The following PTPRQ variants were observed in gnomAD, a reference collection of about 807,000 sequenced individuals.
The protein encoded by PTPRQ is phosphatidylinositol phosphatase PTPRQ.
In PTPRQ, 199 loss-of-function variants were observed where a neutral mutation model predicts 246.0. The ratio of observed to expected loss-of-function variants is 0.81; its 90% CI spans 0.72 to 0.91. The LOEUF (loss-of-function observed/expected upper bound fraction) is 0.91, where lower values mean the gene tolerates loss of function less well. PTPRQ is among the 40% of genes least tolerant of loss of function. PTPRQ has a pLI of 0.00. For missense variants in PTPRQ, 2,624 were observed against 2,528.4 expected (o/e 1.04, Z -0.81); for synonymous variants, 869 against 853.2 (o/e 1.02, Z -0.32).
chr12:80,659,110 G>T (rs1900545489), intron 39 of PTPRQ, among the ~76,000 whole-genome samples: 1 of 152,158 alleles, frequency 6.6e-6, no homozygotes, highest in Middle Eastern at 3.4e-3. Context: ...TTTTTAACCA[G>T]AGAAGTGAAG....
intron 23 of PTPRQ, 140 bp downstream of exon 23, chr12:80,543,021 G>T (rs1896201711): frequency 1.6e-6 from 1 of 637,572 alleles, no homozygotes; most frequent in Non-Finnish European, 2.5e-6. Context: ...ACAATTTAAG[G>T]ATGCTTATGG....
intron 9 of PTPRQ, among the ~76,000 whole-genome samples, chr12:80,485,589 C>G (rs753539952): frequency 1.3e-5 from 2 of 152,146 alleles, no homozygotes; most frequent in East Asian, 1.9e-4. Flanking sequence ...TCTGGCCACC[C>G]AGGACTTATC....
intron 17 of PTPRQ, among the ~76,000 whole-genome samples, chr12:80,520,394 T>C (rs1895439099): frequency 6.6e-6 from 1 of 152,214 alleles, no homozygotes; most frequent in African/African-American, 2.4e-5. Flanking sequence ...AGTTTTAGGG[T>C]ACATGTGCAC....
chr12:80,556,653 T>C (rs1896655021), intron 25 of PTPRQ, among the ~76,000 whole-genome samples: 1 of 152,178 alleles, frequency 6.6e-6, no homozygotes, highest in Non-Finnish European at 1.5e-5. Context: ...CCTCTTTTAT[T>C]GGAAATATCT....
chr12:80,518,691 A>G (rs150275939), intron 17 of PTPRQ, among the ~76,000 whole-genome samples: 2,910 of 152,312 alleles, frequency 0.019, 93 homozygotes, highest in African/African-American at 0.066. Flanking sequence ...ATTCTTCTGC[A>G]TATGGATATC....
intron 25 of PTPRQ, among the ~76,000 whole-genome samples, chr12:80,586,285 A>T (rs903464612): frequency 1.3e-5 from 2 of 151,700 alleles, no homozygotes; most frequent in Admixed American, 1.3e-4. Flanking sequence ...GCCAAAAGAC[A>T]CATGAAAAAA....
At chr12:80,484,691 C>T in intron 9 of PTPRQ, 86 bp downstream of exon 9, 2 of 1,473,940 alleles carry the variant, frequency 1.4e-6, no homozygotes, top group Non-Finnish European at 1.8e-6. Context: ...AGCACCCACA[C>T]ATGTAATATT....
At position 80,493,329 on chromosome 12, in the gene PTPRQ, G is replaced by A. The variant is rs1202423828; in HGVS notation, c.1414G>A (p.Gly472Arg). The A allele has an allele frequency of 1.9e-6, 3 of 1,548,694 alleles. No homozygotes were observed. Among genetic ancestry groups the A allele is most frequent in the Non-Finnish European group, 2.6e-6 (3 of 1,145,304 alleles). ...EIVNIVEPMV[G>R]LYEGSAEMSS... is the part of the protein sequence containing the mutation. ...TGTGAACATAGTAGAGCCAATGGTA[G>A]GATTATATGAGGGTTCAGCAGAGAT... The change falls in exon 10 of 45, where the codon GGA becomes AGA. Residue 472 changes from glycine to arginine, a missense_variant. Physicochemically the swap from Gly to Arg is moderately radical, Grantham distance 125 (BLOSUM62 -2). Coordinates refer to ENST00000644991, the MANE Select transcript of PTPRQ (RefSeq NM_001145026.2).
chr12:80,485,898 G>A lies in PTPRQ; in HGVS notation c.1359+1293G>A, dbSNP rs564586128. Among the ~76,000 whole-genome samples the A allele has an allele frequency of 9.1e-4, 139 of 151,932 alleles. No individual in the cohort carries two copies. In the Middle Eastern group the frequency reaches 0.014, roughly 15 times the overall value. On this transcript the variant is annotated intron_variant, in intron 9 of 44. Coordinates refer to ENST00000644991, the MANE Select transcript of PTPRQ (RefSeq NM_001145026.2). ...AGAAAGGCTTTTTTTTTGTGATTCTGTCTCTATCTGGTCTGCAATTCTCGT... is the reference window on the plus strand; with the variant it reads ...AGAAAGGCTTTTTTTTTGTGATTCTATCTCTATCTGGTCTGCAATTCTCGT...
chr12:80,592,114 T>A (rs1565806325), intron 26 of PTPRQ, among the ~76,000 whole-genome samples: 1 of 152,206 alleles, frequency 6.6e-6, no homozygotes, highest in Non-Finnish European at 1.5e-5. Context: ...ATGGCCATAT[T>A]TTATTTCCAG....
chr12:80,559,789 A>G (rs951127485), intron 25 of PTPRQ, among the ~76,000 whole-genome samples: 2 of 152,174 alleles, frequency 1.3e-5, no homozygotes, highest in Non-Finnish European at 2.9e-5. Flanking sequence ...TCTATCTTGA[A>G]ACTAAAATAA....
At chr12:80,601,090 A>T (rs76978116) in intron 26 of PTPRQ, among the ~76,000 whole-genome samples, 9,545 of 151,856 alleles carry the variant, frequency 0.063, 910 homozygotes, top group African/African-American at 0.2. Context: ...GTGAGGCATG[A>T]GCTGACCACT....
rs759819317 is a variant in PTPRQ, at chr12:80,588,119, T to C, written c.4286-10T>C. ...TGTAACTGCTTTTAATTTTTCCCTT[T>C]AATTTTTAGTTCCCAGTGTTCCCAC... On this transcript the variant is annotated splice_polypyrimidine_tract_variant and intron_variant, in intron 25 of 44. Coordinates refer to ENST00000644991, the MANE Select transcript of PTPRQ (RefSeq NM_001145026.2). 42 of 1,502,470 alleles carry C rather than the reference T, an allele frequency of 2.8e-5. No individual in the cohort carries two copies. Among genetic ancestry groups the C allele is most frequent in the Non-Finnish European group, 3.7e-5 (42 of 1,126,108 alleles). The allele number at this position is 1,502,470 out of a possible 1,614,324, so 93.1% of individuals were successfully genotyped here. A position where few individuals can be genotyped will look rare whatever the true frequency, so the allele number is the denominator to read the frequency against.
At position 80,618,822 on chromosome 12, in the gene PTPRQ, G is replaced by A. The variant is rs190958430; in HGVS notation, c.5231-562G>A. Among the ~76,000 whole-genome samples, 201 of 151,448 alleles carry A rather than the reference G, an allele frequency of 1.3e-3. 1 individual carries two copies. Among genetic ancestry groups the A allele is most frequent in the Non-Finnish European group, 2.5e-3 (166 of 67,626 alleles). On this transcript the variant is annotated intron_variant, in intron 30 of 44. Coordinates refer to ENST00000644991, the MANE Select transcript of PTPRQ (RefSeq NM_001145026.2). ...TATTTAAGCAAAAAAAGCAATATGA[G>A]GGGTAATTATAATACATACTAGAGC... is the stretch of plus-strand genomic sequence containing the variant.
At chr12:80,578,214 T>TC (rs1272873392) in intron 25 of PTPRQ, among the ~76,000 whole-genome samples, 4 of 110,820 alleles carry the variant, frequency 3.6e-5, no homozygotes, top group Admixed American at 1.9e-4. Context: ...ATGCTATCCC[T>TC]CCCCCCTCCC....
intron 37 of PTPRQ, 146 bp downstream of exon 37, chr12:80,649,815 T>A: frequency 7.9e-7 from 1 of 1,266,310 alleles, no homozygotes; most frequent in Non-Finnish European, 1.0e-6. Flanking sequence ...GTTTTGATAG[T>A]AATGTTACAC....
chr12:80,546,242 C>A (rs1005998577), intron 23 of PTPRQ, among the ~76,000 whole-genome samples: 3 of 151,720 alleles, frequency 2.0e-5, no homozygotes, highest in African/African-American at 2.4e-5. Flanking sequence ...ATGGCTTGAA[C>A]CTGGGAGTCC....
chr12:80,638,271 A>T lies in PTPRQ; in HGVS notation c.5915+3198A>T, dbSNP rs936430782. Among the ~76,000 whole-genome samples, 25 of 151,456 alleles carry T rather than the reference A, an allele frequency of 1.7e-4. No homozygotes were observed. In the East Asian group the frequency reaches 4.9e-3, roughly 29 times the overall value. On this transcript the variant is annotated intron_variant, in intron 35 of 44. Coordinates refer to ENST00000644991, the MANE Select transcript of PTPRQ (RefSeq NM_001145026.2). ...GCAACAAGAGTGAAACTCCGTTAAA[A>T]AAAAAAAAAAAAAATCTACCCAGCT...
At chr12:80,478,421 A>G (rs1158722871) in intron 8 of PTPRQ, among the ~76,000 whole-genome samples, 1 of 152,024 alleles carries the variant, frequency 6.6e-6, no homozygotes, top group Non-Finnish European at 1.5e-5. Context: ...AAAACCACAA[A>G]GATGGGGAAA....
Sources: allele counts gnomAD v4.1 joint callset (sites outside exome capture counted in the v4.1 genomes callset), GRCh38; gene constraint gnomAD v4.1.1; transcripts MANE v1.5; gene names NCBI Gene and HGNC (gene_info 2026-07-23, HGNC 2026-07-21).